UNC5A: variants seen among roughly 807,000 people sequenced by gnomAD.
UNC5A encodes netrin receptor UNC5A.
In UNC5A, 20 loss-of-function variants were observed where a neutral mutation model predicts 87.4. That is an observed-to-expected ratio of 0.23 (90% CI 0.16 to 0.33). The LOEUF (loss-of-function observed/expected upper bound fraction) is 0.33, where lower values mean the gene tolerates loss of function less well. UNC5A is among the 10% of genes least tolerant of loss of function. UNC5A has a pLI of 1.00. For synonymous variants in UNC5A, 438 were observed against 482.3 expected, an observed-to-expected ratio of 0.91 and a Z score of 1.20; for missense variants, 844 against 1,133.4, an observed-to-expected ratio of 0.74 and a Z score of 3.67.
chr5:176,835,219 G>T (rs1757124180), intron 1 of UNC5A, among the ~76,000 whole-genome samples: 2 of 152,262 alleles, frequency 1.3e-5, no homozygotes, highest in African/African-American at 4.8e-5. Flanking sequence ...GTGAACATTG[G>T]CACTGGTGTG....
intron 1 of UNC5A, among the ~76,000 whole-genome samples, chr5:176,817,059 G>C (rs1371229002): frequency 6.6e-6 from 1 of 152,240 alleles, no homozygotes; most frequent in Non-Finnish European, 1.5e-5. Context: ...CTCAGCCCCA[G>C]AGTAACTGGG....
intron 1 of UNC5A, among the ~76,000 whole-genome samples, chr5:176,845,311 G>A (rs181783287): frequency 8.5e-5 from 13 of 152,272 alleles, no homozygotes; most frequent in African/African-American, 2.9e-4. Flanking sequence ...GCTTCCCCAC[G>A]CTCAGTGTCC....
chr5:176,880,192 T>G lies in UNC5A; in HGVS notation c.*306T>G. On this transcript the variant is annotated 3_prime_UTR_variant, in exon 15 of 15. Transcript: ENST00000329542. Reference sequence around the variant, plus strand: ...TATGTGCGTGTGATGCTACCTCTCCTCCCGTCCCTCTCCAGGGGCCCCGCA... The same window carrying G: ...TATGTGCGTGTGATGCTACCTCTCCGCCCGTCCCTCTCCAGGGGCCCCGCA... 6.8e-6 allele frequency: 2 copies of G among 293,918 alleles called. No homozygotes were observed. Among genetic ancestry groups the G allele is most frequent in the Non-Finnish European group, 1.3e-5 (2 of 155,098 alleles). The allele number at this position is 293,918 out of a possible 1,614,324, so 18.2% of individuals were successfully genotyped here.
intron 1 of UNC5A, among the ~76,000 whole-genome samples, chr5:176,832,040 G>A (rs997550459): frequency 1.3e-5 from 2 of 151,916 alleles, no homozygotes; most frequent in African/African-American, 4.8e-5. Flanking sequence ...GGGACTACAG[G>A]TGCCTGCAAC....
At chr5:176,833,096 C>G (rs1347906663) in intron 1 of UNC5A, among the ~76,000 whole-genome samples, 1 of 152,252 alleles carries the variant, frequency 6.6e-6, no homozygotes, top group Non-Finnish European at 1.5e-5. Context: ...GCAAGACCCT[C>G]TCAGGCCGAG....
In UNC5A at chr5:176,842,442, A is replaced by G. The variant is rs146214908; in HGVS notation, c.71-20182A>G. On this transcript the variant is annotated intron_variant, in intron 1 of 14. Transcript: ENST00000329542. ...ATAGCAGCACAATTCACAATTGCAC[A>G]GTCGTGGAACCAACTCAAATGCCCG... is the stretch of plus-strand genomic sequence containing the variant. Among the ~76,000 whole-genome samples the G allele has an allele frequency of 2.8e-3, 427 of 152,184 alleles. 4 individuals are homozygous for G. Among genetic ancestry groups the G allele is most frequent in the African/African-American group, 9.8e-3 (405 of 41,418 alleles).
chr5:176,870,291 G>C, intron 5 of UNC5A, 79 bp from the exon 6 acceptor site: 1 of 1,549,788 alleles, frequency 6.5e-7, no homozygotes, highest in Non-Finnish European at 8.8e-7. Context: ...TGGTTGCCCA[G>C]AGGGGCCACA....
In UNC5A at chr5:176,878,646, G is replaced by A. The variant is rs202131166; in HGVS notation, c.2184+7G>A. ...CAACTTCAACATCACCAAGGTGGACGGGAGGGGCTGCCGCACCGCCGTGAC... is the reference window on the plus strand; with the variant it reads ...CAACTTCAACATCACCAAGGTGGACAGGAGGGGCTGCCGCACCGCCGTGAC... On this transcript the variant is annotated splice_region_variant and intron_variant, in intron 13 of 14. Transcript: ENST00000329542. 170 of 1,608,350 alleles carry A rather than the reference G, an allele frequency of 1.1e-4. No individual in the cohort carries two copies. In the East Asian group the frequency reaches 2.2e-3, roughly 21 times the overall value.
Position 176,862,743 on chromosome 5 carries a change from G to T in UNC5A, c.190G>T (p.Val64Leu). 6.2e-7 allele frequency: 1 copy of T among 1,613,658 alleles called. No homozygotes were observed. Among genetic ancestry groups the T allele is most frequent in the Non-Finnish European group, 8.5e-7 (1 of 1,180,006 alleles). Residue 64 changes from valine (V) to leucine (L), a missense_variant, in exon 2 of 15, where the codon GTG becomes TTG. Transcript: ENST00000329542. Reference protein sequence around the residue: ...YIVKNKPVLLVCKAVPATQIF... With the variant: ...YIVKNKPVLLLCKAVPATQIF... ...CGTCAAGAACAAGCCAGTGCTGCTTGTGTGCAAGGCCGTGCCCGCCACGCA... is the reference window on the plus strand; with the variant it reads ...CGTCAAGAACAAGCCAGTGCTGCTTTTGTGCAAGGCCGTGCCCGCCACGCA...
Position 176,869,975 on chromosome 5 carries a change from G to A in UNC5A, c.722-395G>A, listed in dbSNP as rs778581976. The stretch of plus-strand genomic sequence containing the variant: ...GGGCTCGATCTGTGTCCAATGTCAG[G>A]GCTCAACATAGGGTGTAAGTCACAG... On this transcript the variant is annotated intron_variant, in intron 5 of 14. Coordinates refer to ENST00000329542, the MANE Select transcript of UNC5A (RefSeq NM_133369.3). The surrounding 1 kb of genome is among the most constrained non-coding windows in gnomAD (Gnocchi z 9.1). 3.3e-5 allele frequency among the ~76,000 whole-genome samples: 5 copies of A among 152,344 alleles called. No individual in the cohort carries two copies. In the East Asian group the frequency reaches 9.6e-4, roughly 29 times the overall value.
At chr5:176,812,604 G>A (rs562225807) in intron 1 of UNC5A, among the ~76,000 whole-genome samples, 1 of 152,154 alleles carries the variant, frequency 6.6e-6, no homozygotes, top group African/African-American at 2.4e-5. Context: ...GGAGCGGGGG[G>A]TTGCCACAGG....
intron 1 of UNC5A, among the ~76,000 whole-genome samples, chr5:176,829,257 A>C (rs1261268289): frequency 1.3e-4 from 9 of 69,626 alleles, no homozygotes; most frequent in East Asian, 1.1e-3. Flanking sequence ...GGATGGGTGG[A>C]TGGATGGGTG....
intron 1 of UNC5A, among the ~76,000 whole-genome samples, chr5:176,825,436 G>A (rs1027802809): frequency 6.6e-5 from 10 of 152,292 alleles, no homozygotes; most frequent in African/African-American, 1.9e-4. Flanking sequence ...GAGAGCGGCC[G>A]GAGGACGCTG....
At chr5:176,821,095 C>T (rs1220124013) in intron 1 of UNC5A, among the ~76,000 whole-genome samples, 1 of 152,184 alleles carries the variant, frequency 6.6e-6, no homozygotes, top group African/African-American at 2.4e-5. Context: ...GCCACTTTCT[C>T]AGATGTCAGC....
chr5:176,873,244 G>A (rs1758175463), intron 6 of UNC5A, among the ~76,000 whole-genome samples: 1 of 152,024 alleles, frequency 6.6e-6, no homozygotes, highest in East Asian at 1.9e-4. Context: ...TGCACATACA[G>A]GTCCTGTGGG....
intron 1 of UNC5A, among the ~76,000 whole-genome samples, chr5:176,816,201 G>C (rs1156281679): frequency 6.6e-6 from 1 of 152,226 alleles, no homozygotes; most frequent in Non-Finnish European, 1.5e-5. Context: ...CACCTGCCCA[G>C]CACCTGCCAC....
chr5:176,868,644 G>A lies in UNC5A; in HGVS notation c.520G>A (p.Glu174Lys). ...CATCGTGCTGCCCTGCCGTCCACCGGAGGGCATCCCTCCAGCCGAGGTGAG... is the reference window on the plus strand; with the variant it reads ...CATCGTGCTGCCCTGCCGTCCACCGAAGGGCATCCCTCCAGCCGAGGTGAG... Reference protein sequence around the residue: ...QGIVLPCRPPEGIPPAEVEWL... With the variant: ...QGIVLPCRPPKGIPPAEVEWL... The change falls in exon 4 of 15, where the codon GAG becomes AAG. Residue 174 changes from glutamate (E) to lysine (K), a missense_variant. Glu to Lys is a moderately conservative substitution (Grantham distance 56). Transcript: ENST00000329542. 6.2e-7 allele frequency: 1 copy of A among 1,604,970 alleles called. No individual in the cohort carries two copies. The highest frequency in any genetic ancestry group is 8.5e-7 in the Non-Finnish European group (1 of 1,176,364).
rs1347290112 is a variant in UNC5A, at chr5:176,866,501, G to C, written c.293-1629G>C. ...CCCAAGCTGAGCCGCCTGGGCCATG[G>C]GTGAGGCTCCTGAAGGAGGGCCGGG... On this transcript the variant is annotated intron_variant, in intron 2 of 14. Coordinates refer to ENST00000329542, the MANE Select transcript of UNC5A (RefSeq NM_133369.3). This position sits in a 1 kb window ranked among gnomAD's most constrained non-coding sequence, Gnocchi z 5.0. Among the ~76,000 whole-genome samples, 2 of 152,168 alleles carry C rather than the reference G, an allele frequency of 1.3e-5. No homozygotes were observed. Among genetic ancestry groups the C allele is most frequent in the African/African-American group, 4.8e-5 (2 of 41,422 alleles).
Position 176,810,839 on chromosome 5 carries a change from G to T in UNC5A, c.70+19G>T, listed in dbSNP as rs1234955555. On this transcript the variant is annotated intron_variant, in intron 1 of 14. Coordinates refer to ENST00000329542, the MANE Select transcript of UNC5A (RefSeq NM_133369.3). The surrounding 1 kb of genome is among the most constrained non-coding windows in gnomAD (Gnocchi z 7.3). ...GGCTCGGGTGAGTCACGCCGCGCGC[G>T]CTCTGGGGAGGCTTGCGGGGGACCG... is the stretch of plus-strand genomic sequence containing the variant. 15 of 1,221,458 alleles carry T rather than the reference G, an allele frequency of 1.2e-5. No homozygotes were observed. The highest frequency in any genetic ancestry group is 3.1e-6 in the Non-Finnish European group (3 of 981,078). The allele number at this position is 1,221,458 out of a possible 1,614,324, so 75.7% of individuals were successfully genotyped here.
Sources: gnomAD v4.1 joint callset for allele counts (sites outside exome capture counted in the v4.1 genomes callset) on GRCh38, gnomAD v4.1.1 for gene constraint, Gnocchi (gnomAD v3.1) non-coding constraint, MANE v1.5 for transcripts, NCBI Gene and HGNC (gene_info 2026-07-23, HGNC 2026-07-21) for gene names.